Variants in DGKA observed in about 807,000 individuals in gnomAD.
DGKA encodes 80 kDa diacylglycerol kinase.
DGKA carries 35 observed loss-of-function variants against 105.0 expected under a neutral mutation model. That is an observed-to-expected ratio of 0.33 (90% CI 0.25 to 0.44). DGKA has a LOEUF of 0.44. Among genes scored for constraint, DGKA ranks in the 20% least tolerant of loss-of-function variants. The pLI is 1.00. For synonymous variants in DGKA, 296 were observed against 332.0 expected (o/e 0.89, Z 1.18); for missense variants, 665 against 915.0 (o/e 0.73, Z 3.53).
At chr12:55,949,507 G>GTTTTGATAAAATTGGATAACA (rs1887719101) in intron 17 of DGKA, among the ~76,000 whole-genome samples, 1 of 152,164 alleles carries the variant, frequency 6.6e-6, no homozygotes, top group Non-Finnish European at 1.5e-5. Context: ...CGAAAAATAT[G>GTTTTGATAAAATTGGATAACA]TTTTGATAAA....
chr12:55,935,569 G>C (rs1322904537), intron 1 of DGKA: 1 of 152,182 alleles, frequency 6.6e-6, no homozygotes, highest in African/African-American at 2.4e-5. Flanking sequence ...CATCGTCCCA[G>C]GACTGGGAAA....
chr12:55,940,006 C>T lies in DGKA; in HGVS notation c.710-76C>T, dbSNP rs1272596534. 3 of 1,336,202 alleles carry T rather than the reference C, an allele frequency of 2.2e-6. No individual in the cohort carries two copies. Among genetic ancestry groups the T allele is most frequent in the Non-Finnish European group, 3.2e-6 (3 of 931,272 alleles). The allele number at this position is 1,336,202 out of a possible 1,614,324, so 82.8% of individuals were successfully genotyped here. ...CAAGCAAGGGATCACATATCTGATCCTGCCTCACCCTCAGGTAAGAAGGAA... is the reference window on the plus strand; with the variant it reads ...CAAGCAAGGGATCACATATCTGATCTTGCCTCACCCTCAGGTAAGAAGGAA... On this transcript the variant is annotated intron_variant, in intron 9 of 23. Coordinates refer to ENST00000331886, the MANE Select transcript of DGKA (RefSeq NM_001345.5). This position sits in a 1 kb window ranked among gnomAD's most constrained non-coding sequence, Gnocchi z 4.3.
intron 9 of DGKA, 103 bp from the exon 10 acceptor site, chr12:55,939,979 C>A: frequency 9.2e-7 from 1 of 1,083,858 alleles, no homozygotes; most frequent in Non-Finnish European, 1.4e-6. Flanking sequence ...CTGCTACACC[C>A]TCAAGCAAGG....
intron 15 of DGKA, among the ~76,000 whole-genome samples, 199 bp from the exon 16 acceptor site, chr12:55,941,799 C>T (rs1281373607): frequency 6.6e-6 from 1 of 152,176 alleles, no homozygotes; most frequent in Non-Finnish European, 1.5e-5. Context: ...AATGAAGATC[C>T]AATTTTTCCC....
rs113605287 is a variant in DGKA at position 55,944,863 on chromosome 12, A to G, written c.1426+2600A>G. Among the ~76,000 whole-genome samples, 1,399 of 152,284 alleles carry G rather than the reference A, an allele frequency of 9.2e-3. 25 individuals carry two copies. The highest frequency in any genetic ancestry group is 0.032 in the African/African-American group (1,349 of 41,538). On this transcript the variant is annotated intron_variant, in intron 17 of 23. Transcript: ENST00000331886. ...TGCCTAGACTGGAGTGCAGTGGCAC[A>G]ATCTCAGCTCACTGCAACTTCTACC...
chr12:55,927,336 G>T, upstream of DGKA: 2 of 756,460 alleles, frequency 2.6e-6, no homozygotes, highest in Non-Finnish European at 2.3e-6. Flanking sequence ...AGCGCTTGCT[G>T]CCTGTAAAAC....
rs781463715 is a variant in DGKA at position 55,937,538 on chromosome 12, C to T, written c.269C>T (p.Thr90Ile). Residue 90 changes from threonine to isoleucine, a missense_variant, in exon 4 of 24, where the codon ACA becomes ATA. This residue lies in a region of DGKA where 504 missense variants were observed against 681.2 expected (regional missense o/e 0.74). Transcript: ENST00000331886. ...CACTGCTTAAATGAGACAAATGTGA[C>T]AAAAGGTATGGTCAAGCAGGTAGGA... ...TGHCLNETNV[T>I]KDVVCLNDVS... 2.2e-5 allele frequency: 36 copies of T among 1,613,958 alleles called. No homozygotes were observed. The highest frequency in any genetic ancestry group is 3.0e-5 in the Non-Finnish European group (35 of 1,179,932).
In DGKA at chr12:55,952,761, A is replaced by C. The variant is rs144171199; in HGVS notation, c.1771A>C (p.Asn591His). The C allele has an allele frequency of 1.1e-4, 178 of 1,613,964 alleles. 1 individual carries two copies. The highest frequency in any genetic ancestry group is 2.3e-4 in the Admixed American group (14 of 59,994). Residue 591 changes from asparagine to histidine, a missense_variant, in exon 21 of 24, where the codon AAC becomes CAC. Transcript: ENST00000331886. This position sits in a 1 kb window ranked among gnomAD's most constrained non-coding sequence, Gnocchi z 5.1. ...CTGTGGGAAACCGCTGGATCTGAGCAACCTGTCCCTAGAAGGCATCGCAGT... is the reference window on the plus strand; with the variant it reads ...CTGTGGGAAACCGCTGGATCTGAGCCACCTGTCCCTAGAAGGCATCGCAGT... The part of the protein sequence containing the change: ...EICGKPLDLS[N>H]LSLEGIAVLN...
intron 1 of DGKA, chr12:55,935,928 G>A (rs1044803557): frequency 1.0e-6 from 1 of 986,442 alleles, no homozygotes; most frequent in Non-Finnish European, 1.2e-6. Flanking sequence ...GGAACAAAAT[G>A]GGGTCATGGC....
intron 17 of DGKA, among the ~76,000 whole-genome samples, chr12:55,949,894 C>A (rs1271946141): frequency 6.6e-6 from 1 of 152,016 alleles, no homozygotes; most frequent in Admixed American, 6.6e-5. Flanking sequence ...CACAGCTCAC[C>A]ACAGCCTCGA....
chr12:55,940,786 A>G lies in DGKA; in HGVS notation c.1017+64A>G, dbSNP rs751312474. 1 of 1,594,306 alleles carries G rather than the reference A, an allele frequency of 6.3e-7. No individual in the cohort carries two copies. The highest frequency in any genetic ancestry group is 1.1e-5 in the South Asian group (1 of 90,682). On this transcript the variant is annotated intron_variant, in intron 12 of 23. Transcript: ENST00000331886. The surrounding 1 kb of genome is among the most constrained non-coding windows in gnomAD (Gnocchi z 4.3). ...CCTCCCCGATTTCCCACACGCACAG[A>G]GTGGCATTTAGAATAGAGAGCTCAT... is the stretch of plus-strand genomic sequence containing the variant.
chr12:55,937,204 C>A, intron 3 of DGKA, 114 bp downstream of exon 3: 4 of 1,272,028 alleles, frequency 3.1e-6, no homozygotes, highest in Non-Finnish European at 3.4e-6. Context: ...TCTAGAGATA[C>A]CCTAGTGTCC....
intron 17 of DGKA, among the ~76,000 whole-genome samples, chr12:55,945,720 A>G (rs1886850936): frequency 6.6e-6 from 1 of 151,056 alleles, no homozygotes; most frequent in African/African-American, 2.4e-5. Context: ...TTCCTCTTTC[A>G]CTTATAAGGA....
Position 55,940,530 on chromosome 12 carries a change from C to T in DGKA, c.919-94C>T. 1.3e-6 allele frequency: 2 copies of T among 1,575,614 alleles called. No individual in the cohort carries two copies. The highest frequency in any genetic ancestry group is 1.7e-6 in the Non-Finnish European group (2 of 1,160,776). On this transcript the variant is annotated intron_variant, in intron 11 of 23. Transcript: ENST00000331886. This position sits in a 1 kb window ranked among gnomAD's most constrained non-coding sequence, Gnocchi z 4.3. ...ACACCTCCTTTACAGGCACAGTTGCCCCTGCTCCCAAGGGCTCTTTCCAGC... is the reference window on the plus strand; with the variant it reads ...ACACCTCCTTTACAGGCACAGTTGCTCCTGCTCCCAAGGGCTCTTTCCAGC...
In DGKA at chr12:55,940,491, A is replaced by G. The variant is rs1885685316; in HGVS notation, c.918+58A>G. Reference sequence around the variant, plus strand: ...CTTACCCCGCAGAGCTGCCTTCTCCACGGGCCTCCGGCCACACCTCCTTTA... The same window carrying G: ...CTTACCCCGCAGAGCTGCCTTCTCCGCGGGCCTCCGGCCACACCTCCTTTA... On this transcript the variant is annotated intron_variant, in intron 11 of 23. Coordinates refer to ENST00000331886, the MANE Select transcript of DGKA (RefSeq NM_001345.5). The surrounding 1 kb of genome is among the most constrained non-coding windows in gnomAD (Gnocchi z 4.3). 6.2e-7 allele frequency: 1 copy of G among 1,601,112 alleles called. No individual in the cohort carries two copies. Among genetic ancestry groups the G allele is most frequent in the Admixed American group, 1.7e-5 (1 of 59,426 alleles).
intron 4 of DGKA, 80 bp downstream of exon 4, chr12:55,937,623 T>G: frequency 2.6e-6 from 4 of 1,546,778 alleles, no homozygotes; most frequent in Non-Finnish European, 3.5e-6. Flanking sequence ...GAGAATTAAC[T>G]TGAGTCACAC....
intron 17 of DGKA, among the ~76,000 whole-genome samples, chr12:55,949,614 T>G (rs1203143220): frequency 6.6e-6 from 1 of 152,256 alleles, no homozygotes; most frequent in Non-Finnish European, 1.5e-5. Flanking sequence ...GCCAATTTAT[T>G]CATAAACTCA....
chr12:55,953,227 A>T, intron 22 of DGKA, 67 bp downstream of exon 22: 1 of 1,612,096 alleles, frequency 6.2e-7, no homozygotes, highest in Admixed American at 1.7e-5. Context: ...GGGTCATGGG[A>T]ATGGTGGGGA....
rs115352174 is a variant in DGKA, at chr12:55,936,056, T to C, written c.-81-367T>C. The C allele has an allele frequency of 1.2e-3, 1,160 of 983,306 alleles. 15 individuals are homozygous for C. In the African/African-American group the frequency reaches 0.017, roughly 15 times the overall value. The allele number at this position is 983,306 out of a possible 1,614,324, so 60.9% of individuals were successfully genotyped here. The stretch of plus-strand genomic sequence containing the variant: ...GAGAGTCTGCAGAGATTGACGATGG[T>C]GGAAGAAAGCGCAGAAACAGACAAG... On this transcript the variant is annotated intron_variant, in intron 1 of 23. Coordinates refer to ENST00000331886, the MANE Select transcript of DGKA (RefSeq NM_001345.5).
Sources: gnomAD v4.1 joint callset for allele counts (sites outside exome capture counted in the v4.1 genomes callset) on GRCh38, gnomAD v4.1.1 for gene constraint, gnomAD v4.1.1 regional missense constraint, Gnocchi (gnomAD v3.1) non-coding constraint, MANE v1.5 for transcripts, NCBI Gene and HGNC (gene_info 2026-07-23, HGNC 2026-07-21) for gene names.